MAPRE2: variants seen among roughly 807,000 people sequenced by gnomAD.
MAPRE2 encodes microtubule associated protein RP/EB family member 2, also known as microtubule-associated protein RP/EB family member 2.
Under a neutral mutation model 43.2 loss-of-function variants are expected in MAPRE2, and 13 were observed. The ratio of observed to expected loss-of-function variants is 0.30; its 90% CI spans 0.20 to 0.48. The LOEUF (loss-of-function observed/expected upper bound fraction) is 0.48. Ranked by LOEUF, MAPRE2 falls within the 20% of genes least tolerant of loss-of-function variation. MAPRE2 has a pLI of 0.99. For synonymous variants in MAPRE2, 135 were observed against 148.8 expected (o/e 0.91, Z 0.68); for missense variants, 161 against 400.2 (o/e 0.40, Z 5.10).
At chr18:34,980,036 T>C (rs558513935) in intron 1 of MAPRE2, among the ~76,000 whole-genome samples, 31 of 21,990 alleles carry the variant, frequency 1.4e-3, no homozygotes, top group Admixed American at 8.2e-3. Flanking sequence ...TTTTTCTTTT[T>C]TTTTTTTTTT....
intron 1 of MAPRE2, among the ~76,000 whole-genome samples, chr18:34,993,554 T>C (rs2097024888): frequency 1.3e-5 from 2 of 152,226 alleles, no homozygotes; most frequent in Non-Finnish European, 2.9e-5. Flanking sequence ...AGTTGAGTCA[T>C]GCTTGTGAGT....
At chr18:35,001,872 T>C (rs555677096) in intron 1 of MAPRE2, among the ~76,000 whole-genome samples, 1 of 152,198 alleles carries the variant, frequency 6.6e-6, no homozygotes, top group Admixed American at 6.5e-5. Flanking sequence ...TTTAAAAATA[T>C]ATATATTTTG....
chr18:35,107,348 C>G (rs1908956200), intron 4 of MAPRE2, among the ~76,000 whole-genome samples: 1 of 152,172 alleles, frequency 6.6e-6, no homozygotes, highest in African/African-American at 2.4e-5. Context: ...AATATTCTCA[C>G]TCAACAATTA....
chr18:35,014,726 G>C (rs948393517), intron 2 of MAPRE2, among the ~76,000 whole-genome samples: 1 of 152,072 alleles, frequency 6.6e-6, no homozygotes, highest in African/African-American at 2.4e-5. Context: ...GTGAAACTTA[G>C]AACAACTTAC....
chr18:35,110,923 A>G (rs1909147007), intron 4 of MAPRE2, among the ~76,000 whole-genome samples: 1 of 152,102 alleles, frequency 6.6e-6, no homozygotes, highest in African/African-American at 2.4e-5. Context: ...GTGCCTAATT[A>G]TGGTTCTGTT....
At chr18:34,992,525 A>C (rs1415045851) in intron 1 of MAPRE2, among the ~76,000 whole-genome samples, 1 of 152,192 alleles carries the variant, frequency 6.6e-6, no homozygotes, top group South Asian at 2.1e-4. Context: ...AGCATCCTAC[A>C]TAACTTTACC....
At chr18:35,024,719 T>A (rs2097044061) in intron 2 of MAPRE2, among the ~76,000 whole-genome samples, 1 of 152,206 alleles carries the variant, frequency 6.6e-6, no homozygotes, top group Admixed American at 6.5e-5. Flanking sequence ...TTCAGTAAAT[T>A]TAGTATTGTC....
At chr18:35,124,317 A>G (rs1909814490) in intron 4 of MAPRE2, among the ~76,000 whole-genome samples, 1 of 152,174 alleles carries the variant, frequency 6.6e-6, no homozygotes, top group African/African-American at 2.4e-5. Flanking sequence ...CAATATCACA[A>G]GAACAACATG....
At chr18:35,086,288 TATATAG>T (rs1907875434) in intron 2 of MAPRE2, among the ~76,000 whole-genome samples, 1 of 151,970 alleles carries the variant, frequency 6.6e-6, no homozygotes, top group African/African-American at 2.4e-5. Flanking sequence ...ATGAGATACA[TATATAG>T]ATATGTATCT....
chr18:34,993,311 C>T (rs576798716), intron 1 of MAPRE2, among the ~76,000 whole-genome samples: 4 of 147,430 alleles, frequency 2.7e-5, no homozygotes, highest in East Asian at 2.0e-4. Context: ...TTTTGTTGCC[C>T]AGGGTGGTCT....
At chr18:35,013,831 T>A (rs2097036373) in intron 2 of MAPRE2, among the ~76,000 whole-genome samples, 2 of 152,338 alleles carry the variant, frequency 1.3e-5, no homozygotes, top group South Asian at 4.1e-4. Context: ...TCCAGTTCCA[T>A]CCATGTTGCT....
intron 2 of MAPRE2, among the ~76,000 whole-genome samples, chr18:35,090,689 G>A (rs1214120794): frequency 4.1e-5 from 6 of 146,728 alleles, no homozygotes; most frequent in East Asian, 2.0e-4. Context: ...CCAAGATTGC[G>A]CCACTGCACT....
chr18:35,022,675 T>C (rs2097042678), intron 2 of MAPRE2, among the ~76,000 whole-genome samples: 1 of 152,190 alleles, frequency 6.6e-6, no homozygotes, highest in Non-Finnish European at 1.5e-5. Context: ...TCCTCTTTAC[T>C]AGATTTCAAG....
At chr18:35,020,988 A>G (rs1043514559) in intron 2 of MAPRE2, among the ~76,000 whole-genome samples, 10 of 152,186 alleles carry the variant, frequency 6.6e-5, no homozygotes, top group African/African-American at 2.4e-4. Flanking sequence ...GGAATGTTCA[A>G]AAAGACTTCA....
chr18:34,991,047 G>A (rs920478285), intron 1 of MAPRE2, among the ~76,000 whole-genome samples: 1 of 152,026 alleles, frequency 6.6e-6, no homozygotes, highest in African/African-American at 2.4e-5. Context: ...GATTCAGGGG[G>A]GCACATGCAG....
At chr18:35,100,875 A>C (rs983919736) in intron 3 of MAPRE2, among the ~76,000 whole-genome samples, 1 of 152,096 alleles carries the variant, frequency 6.6e-6, no homozygotes. Flanking sequence ...CCCCGTCTCT[A>C]CTAATAAACA....
intron 2 of MAPRE2, among the ~76,000 whole-genome samples, chr18:35,085,859 G>A (rs1312615173): frequency 2.0e-5 from 3 of 152,126 alleles, no homozygotes; most frequent in Non-Finnish European, 4.4e-5. Context: ...AAGATGAGAA[G>A]GCTCAGATCC....
At chr18:35,052,243 C>T (rs953306542) in intron 1 of MAPRE2, among the ~76,000 whole-genome samples, 15 of 152,140 alleles carry the variant, frequency 9.9e-5, no homozygotes, top group Admixed American at 8.5e-4. Context: ...ATCTTCTCTG[C>T]CCAAAGCCCC....
At chr18:35,086,871 C>G (rs1042063690) in intron 2 of MAPRE2, among the ~76,000 whole-genome samples, 1 of 152,074 alleles carries the variant, frequency 6.6e-6, no homozygotes, top group Non-Finnish European at 1.5e-5. Flanking sequence ...AGATTTTACC[C>G]AAATGTGGGT....
Sources: allele counts gnomAD v4.1 joint callset (sites outside exome capture counted in the v4.1 genomes callset), GRCh38; gene constraint gnomAD v4.1.1; transcripts MANE v1.5; gene names NCBI Gene and HGNC (gene_info 2026-07-23, HGNC 2026-07-21).